The following ZC3H12B variants were observed in gnomAD, a reference collection of about 807,000 sequenced individuals.
ZC3H12B encodes the protein probable ribonuclease ZC3H12B.
ZC3H12B carries 7 observed loss-of-function variants against 43.9 expected under a neutral mutation model. The observed-to-expected ratio is 0.16, with a 90% CI of 0.09 to 0.30. The LOEUF (loss-of-function observed/expected upper bound fraction) is 0.30. Among genes scored for constraint, ZC3H12B ranks in the 10% least tolerant of loss-of-function variants. ZC3H12B has a pLI of 1.00. For missense variants in ZC3H12B, 475 were observed against 670.2 expected, an observed-to-expected ratio of 0.71 and a Z score of 3.22; for synonymous variants, 222 against 241.7, an observed-to-expected ratio of 0.92 and a Z score of 0.76.
At chrX:65,371,802 G>A (rs1037672887) in intron 2 of ZC3H12B, among the ~76,000 whole-genome samples, 1 of 111,688 alleles carries the variant, frequency 9.0e-6, no homozygotes, top group African/African-American at 3.3e-5. Context: ...ACAACAGAAA[G>A]AGAAAGAATA....
chrX:65,167,590 G>A, the ZC3H12B span, among the ~76,000 whole-genome samples: 1 of 111,673 alleles, frequency 9.0e-6, no homozygotes, highest in Non-Finnish European at 1.9e-5. Context: ...AAAGTCATTG[G>A]TAGCTTTATG....
At chrX:65,238,781 G>C in the ZC3H12B span, among the ~76,000 whole-genome samples, 4 of 111,971 alleles carry the variant, frequency 3.6e-5, no homozygotes, top group Non-Finnish European at 5.6e-5. Context: ...CTGGTGCATT[G>C]TCTCTTTGTT....
At chrX:65,499,165 A>G (rs1238484316) in exon 3 of ZC3H12B, 1 of 1,211,326 alleles carries the variant, frequency 8.3e-7, no homozygotes, top group Non-Finnish European at 1.1e-6. Context: ...GAGACCTTCA[A>G]GTTGAAAAGC....
the ZC3H12B span, among the ~76,000 whole-genome samples, chrX:65,162,406 A>G: frequency 8.9e-6 from 1 of 111,977 alleles, no homozygotes; most frequent in Non-Finnish European, 1.9e-5. Context: ...AGTTACACCA[A>G]TCAGACGTAG....
the ZC3H12B span, among the ~76,000 whole-genome samples, chrX:65,297,733 C>T: frequency 2.7e-5 from 3 of 111,691 alleles, no homozygotes; most frequent in Admixed American, 2.9e-4. Context: ...ATCGCATTAC[C>T]TGACTTCAAA....
the ZC3H12B span, among the ~76,000 whole-genome samples, chrX:65,096,392 C>T: frequency 9.0e-6 from 1 of 111,486 alleles, no homozygotes; most frequent in African/African-American, 3.3e-5. Context: ...AATTAAAAAA[C>T]GATGATTAAT....
intron 3 of ZC3H12B, among the ~76,000 whole-genome samples, chrX:65,430,283 T>C (rs2067140295): frequency 9.1e-6 from 1 of 110,317 alleles, no homozygotes; most frequent in Non-Finnish European, 1.9e-5. Context: ...GATCCACAGG[T>C]TGCAAAGATC....
chrX:65,038,995 G>A, the ZC3H12B span, among the ~76,000 whole-genome samples: 1 of 111,089 alleles, frequency 9.0e-6, no homozygotes, highest in Non-Finnish European at 1.9e-5. Context: ...TTAAGAGCAA[G>A]TTTTCCTGGA....
chrX:65,423,603 G>T (rs1403602485), intron 3 of ZC3H12B, among the ~76,000 whole-genome samples: 1 of 112,394 alleles, frequency 8.9e-6, no homozygotes, highest in Non-Finnish European at 1.9e-5. Flanking sequence ...TTTCTCTAAT[G>T]ACCAGTGATA....
chrX:65,496,052 A>C (rs748455129), intron 1 of ZC3H12B, among the ~76,000 whole-genome samples: 195 of 111,924 alleles, frequency 1.7e-3, no homozygotes, highest in African/African-American at 5.9e-3. Flanking sequence ...AGAGGAAGAA[A>C]ATAGATCACT....
intron 3 of ZC3H12B, among the ~76,000 whole-genome samples, chrX:65,460,637 G>A (rs912775938): frequency 2.7e-5 from 3 of 111,901 alleles, no homozygotes; most frequent in African/African-American, 9.8e-5. Flanking sequence ...AAATGGTGCT[G>A]GGAAAACTGG....
chrX:65,128,815 A>G, the ZC3H12B span, among the ~76,000 whole-genome samples: 4 of 111,863 alleles, frequency 3.6e-5, no homozygotes, highest in Non-Finnish European at 5.6e-5. Context: ...TTTGTCTCTC[A>G]TATTTTCTTT....
chrX:65,196,384 C>T, the ZC3H12B span, among the ~76,000 whole-genome samples: 1 of 111,100 alleles, frequency 9.0e-6, no homozygotes, highest in Non-Finnish European at 1.9e-5. Flanking sequence ...TCATTGGTGC[C>T]CACTCGAGGT....
intron 2 of ZC3H12B, among the ~76,000 whole-genome samples, chrX:65,374,773 G>A (rs945860621): frequency 9.0e-6 from 1 of 111,038 alleles, no homozygotes; most frequent in Non-Finnish European, 1.9e-5. Flanking sequence ...ACGGTGGAAC[G>A]GGAAGCAATC....
chrX:65,043,658 G>A, the ZC3H12B span, among the ~76,000 whole-genome samples: 7 of 110,946 alleles, frequency 6.3e-5, no homozygotes, highest in African/African-American at 2.3e-4. Flanking sequence ...TTTTGTCTAA[G>A]CAAGTAAATA....
chrX:65,497,386 A>C lies in ZC3H12B; in HGVS notation c.748+115A>C, dbSNP rs747399082. 229 of 655,280 alleles carry C rather than the reference A, an allele frequency of 3.5e-4. No individual in the cohort carries two copies. In the African/African-American group the frequency reaches 4.9e-3, roughly 14 times the overall value. 54.0% of individuals were successfully genotyped at this position (655,280 alleles called of 1,213,427 possible). On this transcript the variant is annotated intron_variant, in intron 2 of 4. Coordinates refer to ENST00000338957, the Ensembl canonical transcript of ZC3H12B. ...CAAAGTTGTTAAGTATATTTAAAGT[A>C]TTTTTATTAAGCATATATTTGAAAA...
chrX:65,225,280 C>G, the ZC3H12B span, among the ~76,000 whole-genome samples: 1 of 112,346 alleles, frequency 8.9e-6, no homozygotes, highest in Non-Finnish European at 1.9e-5. Flanking sequence ...TGGAGTGGAC[C>G]TCCAGCAAAC....
the ZC3H12B span, among the ~76,000 whole-genome samples, chrX:65,298,146 G>A: frequency 2.7e-5 from 3 of 111,502 alleles, no homozygotes; most frequent in Admixed American, 9.5e-5. Flanking sequence ...AAGATAAATA[G>A]GTGGGACTTA....
the ZC3H12B span, among the ~76,000 whole-genome samples, chrX:65,050,524 T>C: frequency 5.4e-5 from 6 of 111,374 alleles, no homozygotes; most frequent in Non-Finnish European, 9.5e-5. Flanking sequence ...AAGTATGATG[T>C]TAGGTGTGGA....
Sources: allele counts gnomAD v4.1 joint callset (sites outside exome capture counted in the v4.1 genomes callset), GRCh38; gene constraint gnomAD v4.1.1; transcripts MANE v1.5; gene names NCBI Gene and HGNC (gene_info 2026-07-23, HGNC 2026-07-21).